Variants in ROBO1 observed in about 807,000 individuals in gnomAD.
The protein encoded by ROBO1 is roundabout homolog 1.
ROBO1 carries 149 observed loss-of-function variants against 195.9 expected under a neutral mutation model. The observed-to-expected ratio is 0.76, with a 90% CI of 0.67 to 0.87. The LOEUF is 0.87. ROBO1 is among the 40% of genes least tolerant of loss of function. The pLI is 0.00. For missense variants in ROBO1, 1,933 were observed against 2,068.3 expected (o/e 0.93, Z 1.27); for synonymous variants, 816 against 733.2 (o/e 1.11, Z -1.82).
At position 78,636,203 on chromosome 3, in the gene ROBO1, G is replaced by C; in HGVS notation, c.3038-95C>G. 3 of 831,064 alleles carry C rather than the reference G, an allele frequency of 3.6e-6. No individual in the cohort carries two copies. In the South Asian group the frequency reaches 5.5e-5, roughly 15 times the overall value. 51.5% of individuals were successfully genotyped at this position (831,064 alleles called of 1,614,324 possible). On this transcript the variant is annotated intron_variant, in intron 22 of 30. Transcript: ENST00000464233. ...TAGCTTTGCGAGTCATCAGAAAATC[G>C]TTATGTAAAGTACAAGTGGGCTTAA... is the stretch of plus-strand genomic sequence containing the variant.
chr3:79,083,810 T>C (rs76615956), intron 3 of ROBO1, among the ~76,000 whole-genome samples: 88 of 152,338 alleles, frequency 5.8e-4, no homozygotes, highest in African/African-American at 2.0e-3. Context: ...GGTTCTTATC[T>C]AGAGTGGCAG....
intron 5 of ROBO1, among the ~76,000 whole-genome samples, chr3:78,738,420 TA>T (rs2082444409): frequency 6.6e-6 from 1 of 152,220 alleles, no homozygotes. Flanking sequence ...TTTTGTTTTT[TA>T]CTGCATAACT....
At chr3:79,536,758 A>G (rs1333977258) in intron 2 of ROBO1, among the ~76,000 whole-genome samples, 1 of 152,180 alleles carries the variant, frequency 6.6e-6, no homozygotes, top group Non-Finnish European at 1.5e-5. Flanking sequence ...AAATTCTATG[A>G]TAAAACTGTA....
chr3:79,567,711 T>C (rs1409723437), intron 2 of ROBO1, among the ~76,000 whole-genome samples: 1 of 152,140 alleles, frequency 6.6e-6, no homozygotes, highest in Non-Finnish European at 1.5e-5. Flanking sequence ...AATAATATAC[T>C]TTTAACTGGT....
At chr3:78,757,247 A>T (rs1425504292) in intron 4 of ROBO1, among the ~76,000 whole-genome samples, 1 of 152,128 alleles carries the variant, frequency 6.6e-6, no homozygotes, top group Non-Finnish European at 1.5e-5. Flanking sequence ...CCCACTCGCA[A>T]TTGCAAATGA....
At chr3:79,188,435 G>A (rs1397984902) in intron 2 of ROBO1, among the ~76,000 whole-genome samples, 2 of 151,712 alleles carry the variant, frequency 1.3e-5, no homozygotes, top group Non-Finnish European at 2.9e-5. Flanking sequence ...GAAAACAACA[G>A]CAGTTTGTTA....
intron 3 of ROBO1, among the ~76,000 whole-genome samples, chr3:78,949,887 T>C (rs1442522791): frequency 2.0e-5 from 3 of 152,320 alleles, no homozygotes; most frequent in Admixed American, 6.5e-5. Context: ...AAGACATTTA[T>C]GCAGCCAAAA....
chr3:78,810,185 C>T (rs545497853), intron 4 of ROBO1, among the ~76,000 whole-genome samples: 2 of 152,152 alleles, frequency 1.3e-5, no homozygotes, highest in Non-Finnish European at 2.9e-5. Context: ...AGCTTGCAAA[C>T]TAGGTTTTTA....
rs144821151 is a variant in ROBO1, at chr3:79,237,593, A to T, written c.89-112054T>A. Among the ~76,000 whole-genome samples the T allele has an allele frequency of 2.6e-3, 392 of 152,314 alleles. 5 individuals are homozygous for T. Among genetic ancestry groups the T allele is most frequent in the East Asian group, 3.9e-3 (20 of 5,186 alleles). On this transcript the variant is annotated intron_variant, in intron 2 of 30. Coordinates refer to ENST00000464233, the MANE Select transcript of ROBO1 (RefSeq NM_002941.4). ...TAAAGAGATTGTTATGCATGATGAG[A>T]ATGACCTGTGGTTTCATCTGCAGAA...
intron 5 of ROBO1, among the ~76,000 whole-genome samples, chr3:78,719,624 C>G (rs9828832): frequency 6.6e-6 from 1 of 152,032 alleles, no homozygotes; most frequent in African/African-American, 2.4e-5. Flanking sequence ...AAGTATGAGG[C>G]ATTACTATAT....
At chr3:79,575,079 T>C (rs1943406939) in intron 2 of ROBO1, among the ~76,000 whole-genome samples, 1 of 144,422 alleles carries the variant, frequency 6.9e-6, no homozygotes, top group Non-Finnish European at 1.5e-5. Flanking sequence ...TTTGTGTTTT[T>C]AAACAAGGAA....
chr3:78,967,132 T>A (rs1405237354), intron 3 of ROBO1, among the ~76,000 whole-genome samples: 2 of 152,168 alleles, frequency 1.3e-5, no homozygotes, highest in African/African-American at 2.4e-5. Context: ...CCTTTTAATA[T>A]ACTCCATCTG....
chr3:79,142,288 C>A (rs1034871701), intron 2 of ROBO1, among the ~76,000 whole-genome samples: 1 of 151,940 alleles, frequency 6.6e-6, no homozygotes, highest in African/African-American at 2.4e-5. Flanking sequence ...ATTTTATGGG[C>A]ACCAATGTTT....
chr3:79,483,200 A>T (rs2107395895), intron 2 of ROBO1, among the ~76,000 whole-genome samples: 1 of 152,334 alleles, frequency 6.6e-6, no homozygotes, highest in East Asian at 1.9e-4. Flanking sequence ...CAAAGACCCC[A>T]TCCAGAGACA....
intron 2 of ROBO1, among the ~76,000 whole-genome samples, chr3:79,453,839 T>A (rs1182133900): frequency 6.6e-6 from 1 of 152,106 alleles, no homozygotes; most frequent in African/African-American, 2.4e-5. Context: ...CACTAATTAG[T>A]TCATTGTCCT....
At chr3:79,119,769 A>ATT (rs111507623) in intron 3 of ROBO1, among the ~76,000 whole-genome samples, 68 of 146,616 alleles carry the variant, frequency 4.6e-4, no homozygotes, top group Non-Finnish European at 6.5e-4. Flanking sequence ...TGATTCATGG[A>ATT]TTTTTTTTTT....
rs2032948747 is a variant in ROBO1 at position 79,301,393 on chromosome 3, T to C, written c.89-175854A>G. 1.3e-5 allele frequency among the ~76,000 whole-genome samples: 2 copies of C among 152,246 alleles called. 1 individual carries two copies. Among genetic ancestry groups the C allele is most frequent in the South Asian group, 4.1e-4 (2 of 4,836 alleles). ...GTATATAGATTTTCAATTTATAAACTGTGTGTTTTACAGACCACCTCCTAT... is the reference window on the plus strand; with the variant it reads ...GTATATAGATTTTCAATTTATAAACCGTGTGTTTTACAGACCACCTCCTAT... On this transcript the variant is annotated intron_variant, in intron 2 of 30. Transcript: ENST00000464233.
chr3:79,580,744 C>T (rs1227155506), intron 2 of ROBO1, among the ~76,000 whole-genome samples: 1 of 152,036 alleles, frequency 6.6e-6, no homozygotes, highest in African/African-American at 2.4e-5. Flanking sequence ...GTATGTGTCA[C>T]TATATACATG....
intron 2 of ROBO1, among the ~76,000 whole-genome samples, chr3:79,270,873 G>A (rs989352789): frequency 6.6e-6 from 1 of 151,764 alleles, no homozygotes; most frequent in Non-Finnish European, 1.5e-5. Flanking sequence ...CTCATATAAT[G>A]TAATCATATT....
Sources: gnomAD v4.1 joint callset for allele counts (sites outside exome capture counted in the v4.1 genomes callset) on GRCh38, gnomAD v4.1.1 for gene constraint, MANE v1.5 for transcripts, NCBI Gene and HGNC (gene_info 2026-07-23, HGNC 2026-07-21) for gene names.